The following SPON1 variants were observed in gnomAD, a reference collection of about 807,000 sequenced individuals.
SPON1 encodes spondin 1.
A neutral mutation model predicts 111.7 loss-of-function variants in SPON1; 52 were observed. That is an observed-to-expected ratio of 0.47 (90% CI 0.37 to 0.59). SPON1 has a LOEUF of 0.59. SPON1 is among the 20% of genes least tolerant of loss of function. The pLI is 0.00. For synonymous variants in SPON1, 410 were observed against 395.8 expected (o/e 1.04, Z -0.43); for missense variants, 957 against 1,068.5 (o/e 0.90, Z 1.46).
chr11:14,161,304 TA>T lies in SPON1; in HGVS notation c.825+25737del, dbSNP rs1395083695. ...ATATATATTTATATATTTATATATA[TA>T]TTTTTTTATATCTATATATTTATAT... On this transcript the variant is annotated intron_variant, in intron 6 of 15. Transcript: ENST00000576479. Among the ~76,000 whole-genome samples the T allele has an allele frequency of 9.4e-4, 43 of 45,648 alleles. 5 individuals carry two copies. Among genetic ancestry groups the T allele is most frequent in the East Asian group, 2.0e-3 (2 of 980 alleles). 29.9% of individuals were successfully genotyped at this position (45,648 alleles called of 152,430 possible).
At chr11:14,262,034 A>AAAC in intron 14 of SPON1, among the ~76,000 whole-genome samples, 1 of 152,264 alleles carries the variant, frequency 6.6e-6, no homozygotes, top group Admixed American at 6.5e-5. Flanking sequence ...CCTGACAGTC[A>AAAC]AACTGATGTG....
chr11:14,000,007 C>T (rs1172966318), intron 2 of SPON1, among the ~76,000 whole-genome samples: 2 of 152,162 alleles, frequency 1.3e-5, no homozygotes, highest in Non-Finnish European at 2.9e-5. Flanking sequence ...AAAATTACCT[C>T]TTTGGAATAA....
At chr11:14,201,086 A>G (rs952731195) in intron 6 of SPON1, among the ~76,000 whole-genome samples, 1 of 152,016 alleles carries the variant, frequency 6.6e-6, no homozygotes, top group Non-Finnish European at 1.5e-5. Flanking sequence ...CACACCTGTA[A>G]TCCCAGCACT....
chr11:14,028,117 C>G (rs1848532579), intron 2 of SPON1, among the ~76,000 whole-genome samples: 1 of 152,156 alleles, frequency 6.6e-6, no homozygotes, highest in Non-Finnish European at 1.5e-5. Context: ...GTTTCTGAAT[C>G]TGTAAAATGG....
chr11:13,976,381 G>C (rs907847692), intron 1 of SPON1, among the ~76,000 whole-genome samples: 2 of 152,186 alleles, frequency 1.3e-5, no homozygotes, highest in Admixed American at 1.3e-4. Context: ...CTGCACATTT[G>C]TACCTTTCAG....
intron 5 of SPON1, among the ~76,000 whole-genome samples, chr11:14,124,915 A>G (rs1847437457): frequency 6.6e-6 from 1 of 152,246 alleles, no homozygotes. Context: ...GAAAAGTGGC[A>G]CTTTCCTTGA....
chr11:14,080,707 G>T (rs1388623019), intron 5 of SPON1, among the ~76,000 whole-genome samples: 1 of 152,148 alleles, frequency 6.6e-6, no homozygotes, highest in Non-Finnish European at 1.5e-5. Flanking sequence ...ATAGGTCAAG[G>T]TCAACAAATA....
chr11:14,089,546 C>A (rs1168463331), intron 5 of SPON1, among the ~76,000 whole-genome samples: 3 of 152,212 alleles, frequency 2.0e-5, no homozygotes, highest in Non-Finnish European at 4.4e-5. Context: ...CCAGCTGGAG[C>A]TCTCCTGTAT....
chr11:14,042,968 G>T (rs985478494), intron 3 of SPON1, among the ~76,000 whole-genome samples: 2 of 152,144 alleles, frequency 1.3e-5, no homozygotes, highest in South Asian at 2.1e-4. Flanking sequence ...TCCTTCCTCA[G>T]ATTCCTTGAG....
chr11:14,238,425 CCTT>C (rs1193518897), intron 6 of SPON1, among the ~76,000 whole-genome samples: 3 of 152,138 alleles, frequency 2.0e-5, no homozygotes, highest in Non-Finnish European at 4.4e-5. Flanking sequence ...CAGACTCTGG[CCTT>C]CTGCTGTGGG....
At chr11:14,083,446 A>G (rs1255379966) in intron 5 of SPON1, among the ~76,000 whole-genome samples, 1 of 152,214 alleles carries the variant, frequency 6.6e-6, no homozygotes, top group Admixed American at 6.5e-5. Flanking sequence ...AACTCTGCAA[A>G]TTGTTTTTTT....
At chr11:14,169,451 C>A (rs1848070832) in intron 6 of SPON1, among the ~76,000 whole-genome samples, 1 of 151,936 alleles carries the variant, frequency 6.6e-6, no homozygotes, top group Non-Finnish European at 1.5e-5. Context: ...TGTAGGTTGC[C>A]TGTTCACTCT....
intron 10 of SPON1, 144 bp from the exon 11 acceptor site, chr11:14,257,572 T>C (rs1483349318): frequency 6.7e-6 from 4 of 594,154 alleles, no homozygotes; most frequent in African/African-American, 3.8e-5. Context: ...AGTGGATGGC[T>C]GCTTCCATCC....
At chr11:14,001,850 A>C (rs1848321422) in intron 2 of SPON1, among the ~76,000 whole-genome samples, 1 of 152,226 alleles carries the variant, frequency 6.6e-6, no homozygotes, top group Non-Finnish European at 1.5e-5. Flanking sequence ...TAGAGAAAAG[A>C]ATAGAAGAAA....
chr11:14,090,824 G>GCCACCCCCCCCCCCCCC (rs1849046497), intron 5 of SPON1, among the ~76,000 whole-genome samples: 2 of 45,606 alleles, frequency 4.4e-5, no homozygotes, highest in Admixed American at 2.7e-4. Flanking sequence ...CTCTTATCTG[G>GCCACCCCCCCCCCCCCC]CCCCCCCCCC....
intron 2 of SPON1, among the ~76,000 whole-genome samples, chr11:14,024,675 G>A (rs1591354396): frequency 6.6e-6 from 1 of 152,188 alleles, no homozygotes; most frequent in Admixed American, 6.5e-5. Flanking sequence ...GGCCAGAGTG[G>A]TCTTGGAAAA....
At position 14,066,507 on chromosome 11, in the gene SPON1, C is replaced by G. The variant is rs116296855; in HGVS notation, c.480-8838C>G. On this transcript the variant is annotated intron_variant, in intron 3 of 15. Coordinates refer to ENST00000576479, the MANE Select transcript of SPON1 (RefSeq NM_006108.4). ...CCACAACCGGGACTACCTCCTGCAG[C>G]CTATTTATTTCATTCATATGAGTTG... 5.5e-3 allele frequency among the ~76,000 whole-genome samples: 834 copies of G among 152,256 alleles called. 4 individuals are homozygous for G. Among genetic ancestry groups the G allele is most frequent in the African/African-American group, 0.019 (789 of 41,554 alleles).
chr11:13,983,238 C>A (rs1848158125), intron 2 of SPON1, among the ~76,000 whole-genome samples: 1 of 152,206 alleles, frequency 6.6e-6, no homozygotes, highest in Admixed American at 6.5e-5. Context: ...CACTTGGAGC[C>A]CTGGCTAGGC....
intron 1 of SPON1, among the ~76,000 whole-genome samples, chr11:13,970,200 T>A (rs190043511): frequency 6.6e-6 from 1 of 152,176 alleles, no homozygotes; most frequent in Non-Finnish European, 1.5e-5. Context: ...TTTTACAGAA[T>A]GTTTTGGCAG....
Sources: allele counts gnomAD v4.1 joint callset (sites outside exome capture counted in the v4.1 genomes callset), GRCh38; gene constraint gnomAD v4.1.1; transcripts MANE v1.5; gene names NCBI Gene and HGNC (gene_info 2026-07-23, HGNC 2026-07-21).